The following PRKCA variants were observed in gnomAD, a reference collection of about 807,000 sequenced individuals.
PRKCA encodes the protein protein kinase C alpha type.
Under a neutral mutation model 87.0 loss-of-function variants are expected in PRKCA, and 27 were observed. The observed-to-expected ratio is 0.31, with a 90% confidence interval of 0.23 to 0.43. The LOEUF (loss-of-function observed/expected upper bound fraction) is 0.43. PRKCA is among the 20% of genes least tolerant of loss of function. PRKCA has a pLI of 1.00. For missense variants in PRKCA, 518 were observed against 852.3 expected (o/e 0.61, Z 4.88); for synonymous variants, 329 against 311.1 (o/e 1.06, Z -0.61).
At chr17:66,733,162 A>AG (rs1249242237) in intron 9 of PRKCA, among the ~76,000 whole-genome samples, 21 of 152,174 alleles carry the variant, frequency 1.4e-4, no homozygotes, top group Non-Finnish European at 3.1e-4. Context: ...AAAAAAAAAA[A>AG]AAAAAGATTT....
At chr17:66,659,848 G>A (rs1321314416) in intron 5 of PRKCA, among the ~76,000 whole-genome samples, 1 of 152,208 alleles carries the variant, frequency 6.6e-6, no homozygotes, top group Non-Finnish European at 1.5e-5. Context: ...GAGAAACTGA[G>A]GCGTTTATTG....
At chr17:66,666,169 T>C (rs1013966021) in intron 5 of PRKCA, among the ~76,000 whole-genome samples, 2 of 152,232 alleles carry the variant, frequency 1.3e-5, no homozygotes, top group African/African-American at 4.8e-5. Context: ...ATAGACTACA[T>C]AGAGCAGAAA....
chr17:66,609,537 T>G (rs570425929), intron 3 of PRKCA, among the ~76,000 whole-genome samples: 1 of 152,262 alleles, frequency 6.6e-6, no homozygotes, highest in Non-Finnish European at 1.5e-5. Flanking sequence ...TTTACCACAG[T>G]GTATAGATAA....
At chr17:66,327,492 C>T (rs12945138) in intron 2 of PRKCA, among the ~76,000 whole-genome samples, 56,298 of 151,570 alleles carry the variant, frequency 0.37, 10,615 homozygotes, top group Middle Eastern at 0.54. Context: ...GCCGAGATCG[C>T]GCCCCTGTAC....
At chr17:66,672,480 A>T (rs1290631995) in intron 5 of PRKCA, among the ~76,000 whole-genome samples, 1 of 152,242 alleles carries the variant, frequency 6.6e-6, no homozygotes, top group Non-Finnish European at 1.5e-5. Context: ...AATGTATGCC[A>T]AGAATCTTGA....
At chr17:66,406,367 A>T (rs1216514886) in intron 2 of PRKCA, among the ~76,000 whole-genome samples, 1 of 152,184 alleles carries the variant, frequency 6.6e-6, no homozygotes, top group Non-Finnish European at 1.5e-5. Context: ...TTATAAAAAG[A>T]TCCCCATTGT....
At chr17:66,776,749 A>G (rs567706733) in intron 14 of PRKCA, among the ~76,000 whole-genome samples, 6 of 152,296 alleles carry the variant, frequency 3.9e-5, no homozygotes, top group Non-Finnish European at 8.8e-5. Context: ...TTGGGGTTTT[A>G]TGCATTGGTG....
intron 3 of PRKCA, among the ~76,000 whole-genome samples, chr17:66,549,861 C>T (rs2143206161): frequency 6.6e-6 from 1 of 152,212 alleles, no homozygotes; most frequent in African/African-American, 2.4e-5. Context: ...ACAGAATTCA[C>T]CTTGGTCCCA....
chr17:66,413,875 A>T (rs989119369), intron 2 of PRKCA, among the ~76,000 whole-genome samples: 2 of 152,158 alleles, frequency 1.3e-5, no homozygotes, highest in East Asian at 3.9e-4. Context: ...TTAGCTGAGC[A>T]TGGTGGCAGG....
intron 3 of PRKCA, among the ~76,000 whole-genome samples, chr17:66,633,042 T>C (rs1318440932): frequency 1.3e-5 from 2 of 152,198 alleles, no homozygotes; most frequent in African/African-American, 4.8e-5. Context: ...GGAATTTCTT[T>C]CGTTCTTTCT....
chr17:66,492,543 G>A (rs142317895), intron 2 of PRKCA, among the ~76,000 whole-genome samples: 67 of 152,282 alleles, frequency 4.4e-4, no homozygotes, highest in African/African-American at 1.2e-3. Context: ...ATGTTTGAAC[G>A]ATTAAGTAGG....
intron 2 of PRKCA, among the ~76,000 whole-genome samples, chr17:66,433,273 G>A (rs1277473651): frequency 6.6e-6 from 1 of 152,136 alleles, no homozygotes; most frequent in Non-Finnish European, 1.5e-5. Flanking sequence ...TGCAGCCCCG[G>A]CCCCAGCTCT....
rs397856363 is a variant in PRKCA, at chr17:66,588,635, CTTTTTTTTTTTT to C, written c.289-52704_289-52693del. On this transcript the variant is annotated intron_variant, in intron 3 of 16. Coordinates refer to ENST00000413366, the MANE Select transcript of PRKCA (RefSeq NM_002737.3). ...CTTTCTGAGGTTTTATTTTGCTTTG[CTTTTTTTTTTTT>C]TTTTTTTTTTTTTTTGAGAGTTTCG... Among the ~76,000 whole-genome samples the C allele has an allele frequency of 4.4e-3, 171 of 39,118 alleles. 1 individual carries two copies. Among genetic ancestry groups the C allele is most frequent in the African/African-American group, 0.018 (155 of 8,556 alleles). 25.7% of individuals were successfully genotyped at this position (39,118 alleles called of 152,430 possible).
chr17:66,797,029 A>G (rs1393335591), intron 16 of PRKCA: 3 of 947,482 alleles, frequency 3.2e-6, no homozygotes, highest in Middle Eastern at 5.3e-4. Context: ...AGCTACTCAT[A>G]TTTCCCATAA....
intron 3 of PRKCA, among the ~76,000 whole-genome samples, chr17:66,568,293 G>A (rs1408869293): frequency 6.6e-6 from 1 of 152,160 alleles, no homozygotes; most frequent in Non-Finnish European, 1.5e-5. Context: ...CAGCCTAGAC[G>A]ACAGAATAAG....
intron 2 of PRKCA, among the ~76,000 whole-genome samples, chr17:66,354,117 T>C (rs12602596): frequency 1.3e-5 from 2 of 152,232 alleles, no homozygotes; most frequent in Non-Finnish European, 2.9e-5. Flanking sequence ...GACGCGAACA[T>C]TGTTTCTTCC....
intron 2 of PRKCA, among the ~76,000 whole-genome samples, chr17:66,341,886 T>A (rs1019892018): frequency 5.3e-5 from 8 of 152,240 alleles, no homozygotes; most frequent in African/African-American, 1.7e-4. Flanking sequence ...TGATAAAGAT[T>A]TCTAGTGAAT....
At chr17:66,651,026 C>A (rs1971579340) in intron 5 of PRKCA, among the ~76,000 whole-genome samples, 1 of 152,040 alleles carries the variant, frequency 6.6e-6, no homozygotes, top group South Asian at 2.1e-4. Flanking sequence ...GCTGTACCTG[C>A]AGTGGGAGTT....
intron 2 of PRKCA, among the ~76,000 whole-genome samples, chr17:66,319,033 G>T (rs1303386779): frequency 6.6e-6 from 1 of 152,048 alleles, no homozygotes; most frequent in African/African-American, 2.4e-5. Flanking sequence ...TACTTTGGAA[G>T]TGGGAAGATT....
Sources: gnomAD v4.1 joint callset for allele counts (sites outside exome capture counted in the v4.1 genomes callset) on GRCh38, gnomAD v4.1.1 for gene constraint, MANE v1.5 for transcripts, NCBI Gene and HGNC (gene_info 2026-07-23, HGNC 2026-07-21) for gene names.